KSR2: variants seen among roughly 807,000 people sequenced by gnomAD.
The protein encoded by KSR2 is kinase suppressor of ras 2.
KSR2 carries 25 observed loss-of-function variants against 107.8 expected under a neutral mutation model. The observed-to-expected ratio is 0.23, with a 90% CI of 0.17 to 0.32. The LOEUF (loss-of-function observed/expected upper bound fraction) is 0.32, where lower values mean the gene tolerates loss of function less well. KSR2 is among the 10% of genes least tolerant of loss of function. KSR2 has a pLI of 1.00. For synonymous variants in KSR2, 480 were observed against 507.0 expected (o/e 0.95, Z 0.71); for missense variants, 887 against 1,268.9 (o/e 0.70, Z 4.57).
intron 10 of KSR2, among the ~76,000 whole-genome samples, chr12:117,535,089 T>C (rs903423028): frequency 6.6e-6 from 1 of 152,230 alleles, no homozygotes; most frequent in Non-Finnish European, 1.5e-5. Context: ...AGGGGCCATG[T>C]CTGGTTTGTT....
At chr12:117,902,744 A>G (rs1474765650) in intron 1 of KSR2, among the ~76,000 whole-genome samples, 1 of 152,142 alleles carries the variant, frequency 6.6e-6, no homozygotes, top group Admixed American at 6.6e-5. Context: ...AAAGTATAAA[A>G]AAAAAGGTAT....
chr12:117,650,388 A>G (rs1266931883), intron 5 of KSR2, among the ~76,000 whole-genome samples: 7 of 152,170 alleles, frequency 4.6e-5, no homozygotes, highest in African/African-American at 1.4e-4. Flanking sequence ...TTAATATTTA[A>G]TAAACTCATA....
intron 1 of KSR2, among the ~76,000 whole-genome samples, chr12:117,963,025 A>G (rs12578374): frequency 0.38 from 57,550 of 150,968 alleles, 11,330 homozygotes; most frequent in East Asian, 0.48. Flanking sequence ...CCCTGTCTCT[A>G]CTAAAAATAC....
chr12:117,953,332 C>T (rs912996349), intron 1 of KSR2, among the ~76,000 whole-genome samples: 4 of 152,068 alleles, frequency 2.6e-5, no homozygotes, highest in Non-Finnish European at 5.9e-5. Context: ...CTGGTATACA[C>T]CAAAAAGAAT....
intron 5 of KSR2, among the ~76,000 whole-genome samples, chr12:117,584,136 G>C (rs1879856386): frequency 6.6e-6 from 1 of 152,238 alleles, no homozygotes; most frequent in Non-Finnish European, 1.5e-5. Context: ...GAAAACCTAA[G>C]AGGGAGACAG....
intron 10 of KSR2, among the ~76,000 whole-genome samples, chr12:117,537,017 A>T (rs1020818326): frequency 3.9e-5 from 6 of 152,246 alleles, no homozygotes; most frequent in Middle Eastern, 3.2e-3. Context: ...GTTCGAGATG[A>T]GCCTCACCAA....
At chr12:117,678,318 T>C (rs1885226738) in intron 4 of KSR2, among the ~76,000 whole-genome samples, 1 of 151,996 alleles carries the variant, frequency 6.6e-6, no homozygotes, top group African/African-American at 2.4e-5. Context: ...TGAGGCTCCA[T>C]CCCACTCTGG....
intron 14 of KSR2, among the ~76,000 whole-genome samples, chr12:117,494,591 T>C (rs7308046): frequency 0.021 from 3,255 of 152,276 alleles, 111 homozygotes; most frequent in African/African-American, 0.07. Flanking sequence ...GATGCCAGAA[T>C]GGTCCTGGCA....
At chr12:117,755,501 C>T (rs780334379) in intron 4 of KSR2, among the ~76,000 whole-genome samples, 2 of 152,076 alleles carry the variant, frequency 1.3e-5, no homozygotes, top group Non-Finnish European at 2.9e-5. Context: ...TGCCACAAAC[C>T]GTGCCCATAT....
At chr12:117,670,295 G>A (rs1884851703) in intron 4 of KSR2, among the ~76,000 whole-genome samples, 1 of 152,194 alleles carries the variant, frequency 6.6e-6, no homozygotes, top group South Asian at 2.1e-4. Flanking sequence ...CATGTCCTAG[G>A]GACTGTATCA....
intron 18 of KSR2, among the ~76,000 whole-genome samples, chr12:117,470,407 ATCCG>A (rs1176798648): frequency 6.6e-6 from 1 of 151,950 alleles, no homozygotes; most frequent in Non-Finnish European, 1.5e-5. Flanking sequence ...CCATCCATCC[ATCCG>A]TTTACCATCC....
At chr12:117,637,334 T>C (rs1304864801) in intron 5 of KSR2, among the ~76,000 whole-genome samples, 1 of 152,210 alleles carries the variant, frequency 6.6e-6, no homozygotes, top group East Asian at 1.9e-4. Context: ...TTCATAAGTA[T>C]GTGTGTAGAT....
chr12:117,577,155 G>A (rs1414324368), intron 7 of KSR2, among the ~76,000 whole-genome samples: 2 of 152,164 alleles, frequency 1.3e-5, no homozygotes, highest in Non-Finnish European at 2.9e-5. Flanking sequence ...GCCTGAAAGG[G>A]CCTAAATGAG....
chr12:117,637,552 T>C (rs370284162), intron 5 of KSR2, among the ~76,000 whole-genome samples: 1 of 152,112 alleles, frequency 6.6e-6, no homozygotes, highest in African/African-American at 2.4e-5. Flanking sequence ...CCTAGATTGA[T>C]ATTTCCAACA....
intron 1 of KSR2, among the ~76,000 whole-genome samples, chr12:117,905,373 A>G (rs1894808819): frequency 6.6e-6 from 1 of 152,206 alleles, no homozygotes; most frequent in South Asian, 2.1e-4. Flanking sequence ...GTTTGTTATA[A>G]TACAAATAAA....
intron 4 of KSR2, among the ~76,000 whole-genome samples, chr12:117,691,355 G>T (rs12227901): frequency 6.6e-6 from 1 of 152,162 alleles, no homozygotes; most frequent in Non-Finnish European, 1.5e-5. Context: ...GGTGCCAGGG[G>T]ACACTGAGTC....
chr12:117,918,077 G>C (rs1378459994), intron 1 of KSR2, among the ~76,000 whole-genome samples: 4 of 152,110 alleles, frequency 2.6e-5, no homozygotes, highest in African/African-American at 9.7e-5. Flanking sequence ...TGAGGTCATG[G>C]CAACTGCAAT....
intron 10 of KSR2, among the ~76,000 whole-genome samples, chr12:117,532,293 A>G (rs553850481): frequency 1.3e-5 from 2 of 152,272 alleles, no homozygotes; most frequent in South Asian, 2.1e-4. Flanking sequence ...AGGAAAATCT[A>G]TTCCTTGTCT....
chr12:117,594,977 G>A (rs1251101799), intron 5 of KSR2, among the ~76,000 whole-genome samples: 2 of 89,018 alleles, frequency 2.2e-5, no homozygotes, highest in Non-Finnish European at 5.6e-5. Flanking sequence ...TCCCTGCCCA[G>A]AAAGACAGGG....
Sources: gnomAD v4.1 joint callset for allele counts (sites outside exome capture counted in the v4.1 genomes callset) on GRCh38, gnomAD v4.1.1 for gene constraint, MANE v1.5 for transcripts, NCBI Gene and HGNC (gene_info 2026-07-23, HGNC 2026-07-21) for gene names.